Variants in AFAP1 observed in about 807,000 individuals in gnomAD.
The protein encoded by AFAP1 is actin filament associated protein 1.
In AFAP1, 75 loss-of-function variants were observed where a neutral mutation model predicts 93.9. The observed-to-expected ratio is 0.80, with a 90% CI of 0.66 to 0.97. AFAP1 has a LOEUF of 0.97. Ranked by LOEUF, AFAP1 falls within the 50% of genes least tolerant of loss-of-function variation. The pLI is 0.00. For missense variants in AFAP1, 1,201 were observed against 1,050.8 expected (o/e 1.14, Z -1.98); for synonymous variants, 517 against 430.7 (o/e 1.20, Z -2.48).
At chr4:7,926,556 G>A (rs1280749466) in intron 1 of AFAP1, among the ~76,000 whole-genome samples, 1 of 152,132 alleles carries the variant, frequency 6.6e-6, no homozygotes, top group Non-Finnish European at 1.5e-5. Context: ...ACCCAAGGAG[G>A]AGAGAAGCAA....
At chr4:7,871,008 G>A (rs1166102209) in intron 2 of AFAP1, among the ~76,000 whole-genome samples, 2 of 152,142 alleles carry the variant, frequency 1.3e-5, no homozygotes, top group Admixed American at 6.5e-5. Flanking sequence ...GAGTCCTCAA[G>A]ATTCTCACAT....
chr4:7,844,880 T>C (rs752288507), intron 4 of AFAP1, among the ~76,000 whole-genome samples: 2 of 152,200 alleles, frequency 1.3e-5, no homozygotes, highest in Non-Finnish European at 2.9e-5. Flanking sequence ...TTTCAAAACA[T>C]ACTTAAGGGA....
chr4:7,921,181 CTTTTT>C (rs34764139), intron 1 of AFAP1, among the ~76,000 whole-genome samples: 2 of 95,110 alleles, frequency 2.1e-5, no homozygotes, highest in Admixed American at 1.4e-4. Flanking sequence ...GAGAGCAAAA[CTTTTT>C]TTTTTTTTTT....
intron 7 of AFAP1, among the ~76,000 whole-genome samples, chr4:7,816,526 A>T (rs2149065340): frequency 6.6e-6 from 1 of 152,242 alleles, no homozygotes; most frequent in East Asian, 1.9e-4. Context: ...GTGAGTGTCA[A>T]GTATCTGCTT....
chr4:7,933,119 C>T (rs1005010381), intron 1 of AFAP1, among the ~76,000 whole-genome samples: 5 of 151,978 alleles, frequency 3.3e-5, no homozygotes, highest in Non-Finnish European at 7.4e-5. Context: ...AAACCACCTC[C>T]CAGGCTGCTG....
intron 1 of AFAP1, among the ~76,000 whole-genome samples, chr4:7,913,593 C>T (rs1017750195): frequency 1.3e-5 from 2 of 152,066 alleles, no homozygotes; most frequent in African/African-American, 4.8e-5. Flanking sequence ...TATCACAATG[C>T]CTGGACAACA....
At chr4:7,929,731 A>G (rs1191523286) in intron 1 of AFAP1, among the ~76,000 whole-genome samples, 1 of 152,180 alleles carries the variant, frequency 6.6e-6, no homozygotes, top group African/African-American at 2.4e-5. Flanking sequence ...TGCCTTCTTC[A>G]CCACACAGAG....
At chr4:7,912,010 C>T (rs1719760590) in intron 1 of AFAP1, among the ~76,000 whole-genome samples, 2 of 152,042 alleles carry the variant, frequency 1.3e-5, no homozygotes, top group Admixed American at 6.6e-5. Context: ...TGAGGCGCAA[C>T]CAGAAAGGAC....
chr4:7,793,797 C>T lies in AFAP1; in HGVS notation c.1296G>A (p.Trp432Ter). The T allele has an allele frequency of 6.4e-7, 1 of 1,559,490 alleles. No individual in the cohort carries two copies. The highest frequency in any genetic ancestry group is 8.8e-7 in the Non-Finnish European group (1 of 1,138,652). ...EASSSEDMGR[W>*]IGILLAETGS... ...CCGTCTCTGCGAGTAAAATCCCAATCCACCTGCCCATGTCTTCAGAAGAAG... is the reference window on the plus strand; with the variant it reads ...CCGTCTCTGCGAGTAAAATCCCAATTCACCTGCCCATGTCTTCAGAAGAAG... Residue 432 changes from tryptophan to a stop codon, truncating the protein, a stop_gained, in exon 11 of 18, where the codon TGG becomes TGA. Transcript: ENST00000420658. LOFTEE classifies it high-confidence loss of function.
intron 7 of AFAP1, among the ~76,000 whole-genome samples, chr4:7,817,048 T>A (rs1713730696): frequency 6.6e-6 from 1 of 152,002 alleles, no homozygotes; most frequent in Non-Finnish European, 1.5e-5. Context: ...GAAACCAACA[T>A]AAGTAAAGCA....
chr4:7,866,825 C>T (rs572084113), intron 3 of AFAP1, among the ~76,000 whole-genome samples: 1 of 151,224 alleles, frequency 6.6e-6, no homozygotes, highest in East Asian at 2.0e-4. Context: ...TCACTGAAGG[C>T]CTGGAGTGCA....
rs1398245834 is a variant in AFAP1 at position 7,759,718 on chromosome 4, C to G, written c.*4047G>C. On this transcript the variant is annotated 3_prime_UTR_variant, in exon 18 of 18. Transcript: ENST00000420658. ...GACCTTTATGTAAGCTGCAGGGCACCCTGCCGGCCAACCCTGATGCCTGGA... is the reference window on the plus strand; with the variant it reads ...GACCTTTATGTAAGCTGCAGGGCACGCTGCCGGCCAACCCTGATGCCTGGA... The G allele has an allele frequency of 6.6e-6, 1 of 152,454 alleles. No individual in the cohort carries two copies. The highest frequency in any genetic ancestry group is 1.5e-5 in the Non-Finnish European group (1 of 68,074). The allele number at this position is 152,454 out of a possible 1,614,324, so 9.4% of individuals were successfully genotyped here. A position where few individuals can be genotyped will look rare whatever the true frequency, so the allele number is the denominator to read the frequency against.
At chr4:7,828,564 G>C (rs1355038258) in intron 6 of AFAP1, among the ~76,000 whole-genome samples, 1 of 152,192 alleles carries the variant, frequency 6.6e-6, no homozygotes, top group Non-Finnish European at 1.5e-5. Context: ...TTCTCTGCAG[G>C]CGTATGCGGA....
At position 7,778,780 on chromosome 4, in the gene AFAP1, C is replaced by A. The variant is rs1376773454; in HGVS notation, c.1879G>T (p.Val627Leu). Residue 627 changes from valine (V) to leucine (L), a missense_variant, in exon 14 of 18, where the codon GTG becomes TTG. Val to Leu is a conservative substitution (Grantham distance 32). Transcript: ENST00000420658. ...TACTTACTCGAACCCGTCCTTTTCA[C>A]AACAGCCGCGGGATCCGCTTTCTTT... ...QPKKADPAAV[V>L]KRTGSNAAQY... The A allele has an allele frequency of 6.2e-7, 1 of 1,614,196 alleles. No individual in the cohort carries two copies. The highest frequency in any genetic ancestry group is 1.3e-5 in the African/African-American group (1 of 75,052).
At chr4:7,860,035 A>G (rs1161427124) in intron 3 of AFAP1, among the ~76,000 whole-genome samples, 1 of 152,108 alleles carries the variant, frequency 6.6e-6, no homozygotes, top group African/African-American at 2.4e-5. Context: ...CCCAACTGCT[A>G]GGGAGGCTGA....
Position 7,786,307 on chromosome 4 carries a change from T to C in AFAP1, c.1417A>G (p.Met473Val). 6.2e-7 allele frequency: 1 copy of C among 1,612,818 alleles called. No homozygotes were observed. Residue 473 changes from methionine to valine, a missense_variant, in exon 12 of 18, where the codon ATG (methionine) becomes GTG (valine). Physicochemically the swap from Met to Val is conservative, Grantham distance 21. Transcript: ENST00000420658. ...TTAGCAGATATAACACGCCTGTTCA[T>C]GAAACTGAAAGAAAGGAAATGCGTT... Reference protein sequence around the residue: ...IQTAKQTFCFMNRRVISANPY... With the variant: ...IQTAKQTFCFVNRRVISANPY...
chr4:7,830,307 A>G (rs980522873), intron 6 of AFAP1, among the ~76,000 whole-genome samples: 1 of 152,054 alleles, frequency 6.6e-6, no homozygotes, highest in African/African-American at 2.4e-5. Flanking sequence ...AGAGTTGGTG[A>G]TGCTGAAGGT....
At chr4:7,927,636 G>C (rs1039162432) in intron 1 of AFAP1, among the ~76,000 whole-genome samples, 3 of 152,088 alleles carry the variant, frequency 2.0e-5, no homozygotes, top group East Asian at 1.9e-4. Flanking sequence ...ACCAGTGTGG[G>C]CAACACAGCA....
intron 9 of AFAP1, among the ~76,000 whole-genome samples, chr4:7,808,490 CAAAAGGTAGCTGCTCAAAGATG>C: frequency 8.2e-5 from 1 of 12,240 alleles, no homozygotes; most frequent in South Asian, 2.1e-3. Flanking sequence ...TTGTGGTCAC[CAAAAGGTAGCTGCTCAAAGATG>C]ACCAAAAGGT....
Sources: allele counts gnomAD v4.1 joint callset (sites outside exome capture counted in the v4.1 genomes callset), GRCh38; gene constraint gnomAD v4.1.1; transcripts MANE v1.5; gene names NCBI Gene and HGNC (gene_info 2026-07-23, HGNC 2026-07-21).